Variants in PPARGC1A observed in about 807,000 individuals in gnomAD.
PPARGC1A encodes the protein PPARG coactivator 1 alpha.
A neutral mutation model predicts 88.7 loss-of-function variants in PPARGC1A; 25 were observed. That is an observed-to-expected ratio of 0.28 (90% CI 0.21 to 0.39). The LOEUF (loss-of-function observed/expected upper bound fraction) is 0.39. Among genes scored for constraint, PPARGC1A ranks in the 10% least tolerant of loss-of-function variants. The pLI, the probability that PPARGC1A is intolerant of heterozygous loss-of-function variation, is 1.00. For missense variants in PPARGC1A, 880 were observed against 968.7 expected (o/e 0.91, Z 1.22); for synonymous variants, 363 against 355.6 (o/e 1.02, Z -0.24).
At position 23,795,795 on chromosome 4, in the gene PPARGC1A, C is replaced by G; in HGVS notation, c.*27G>C. On this transcript the variant is annotated 3_prime_UTR_variant, in exon 13 of 13. Coordinates refer to ENST00000264867, the MANE Select transcript of PPARGC1A (RefSeq NM_013261.5). ...CTGTCCCATGAGGTATTCGCCATCC[C>G]TCTGTCATCCTCAGCTAGGGAACAT... 1 of 1,562,242 alleles carries G rather than the reference C, an allele frequency of 6.4e-7. No homozygotes were observed. Among genetic ancestry groups the G allele is most frequent in the Non-Finnish European group, 8.7e-7 (1 of 1,143,534 alleles).
At chr4:24,006,786 A>G in the PPARGC1A span, among the ~76,000 whole-genome samples, 25,366 of 152,044 alleles carry the variant, frequency 0.17, 2,185 homozygotes, top group South Asian at 0.19. Flanking sequence ...TTCACTTTAC[A>G]TTATCAGATG....
intron 1 of PPARGC1A, among the ~76,000 whole-genome samples, chr4:23,898,349 G>A (rs1168834513): frequency 6.6e-6 from 1 of 152,206 alleles, no homozygotes; most frequent in African/African-American, 2.4e-5. Context: ...GGTAGAAGAT[G>A]TATGCTTTGA....
At chr4:24,260,708 CT>C in the PPARGC1A span, among the ~76,000 whole-genome samples, 1 of 151,796 alleles carries the variant, frequency 6.6e-6, no homozygotes, top group African/African-American at 2.4e-5. Context: ...TCCTCACCCC[CT>C]ACAACATGTC....
At chr4:24,235,843 C>G in the PPARGC1A span, among the ~76,000 whole-genome samples, 1 of 152,118 alleles carries the variant, frequency 6.6e-6, no homozygotes, top group African/African-American at 2.4e-5. Context: ...GGAGGTGACT[C>G]AGCTCAACTG....
the PPARGC1A span, among the ~76,000 whole-genome samples, chr4:24,060,870 T>G: frequency 6.6e-6 from 1 of 152,196 alleles, no homozygotes; most frequent in African/African-American, 2.4e-5. Flanking sequence ...GTGTTTCACA[T>G]GAATTAACCA....
the PPARGC1A span, among the ~76,000 whole-genome samples, chr4:23,982,239 AGTTT>A: frequency 6.7e-6 from 1 of 149,772 alleles, no homozygotes; most frequent in Non-Finnish European, 1.5e-5. Context: ...ACAAAAGAAA[AGTTT>A]GTTTCACATA....
chr4:24,339,259 C>CACA, the PPARGC1A span, among the ~76,000 whole-genome samples: 1 of 149,874 alleles, frequency 6.7e-6, no homozygotes, highest in African/African-American at 2.5e-5. Flanking sequence ...CACACACACA[C>CACA]ACACACATCA....
At chr4:23,927,444 T>C in the PPARGC1A span, among the ~76,000 whole-genome samples, 11 of 152,340 alleles carry the variant, frequency 7.2e-5, no homozygotes, top group Admixed American at 1.3e-4. Flanking sequence ...TTTATGGTTT[T>C]TTCTTGTTTT....
At chr4:24,067,533 C>A in the PPARGC1A span, among the ~76,000 whole-genome samples, 1 of 152,064 alleles carries the variant, frequency 6.6e-6, no homozygotes, top group African/African-American at 2.4e-5. Flanking sequence ...AAACAGAGCA[C>A]AGAACACGCA....
the PPARGC1A span, among the ~76,000 whole-genome samples, chr4:23,944,426 G>C: frequency 6.6e-6 from 1 of 152,102 alleles, no homozygotes; most frequent in African/African-American, 2.4e-5. Flanking sequence ...GCTTCATTAG[G>C]GCAGAGGCTA....
the PPARGC1A span, among the ~76,000 whole-genome samples, chr4:24,340,565 C>G: frequency 6.6e-6 from 1 of 151,252 alleles, no homozygotes; most frequent in Non-Finnish European, 1.5e-5. Flanking sequence ...GGCTACAAAA[C>G]TTTTTTTTTA....
At chr4:24,137,997 T>C in the PPARGC1A span, among the ~76,000 whole-genome samples, 5 of 152,134 alleles carry the variant, frequency 3.3e-5, no homozygotes, top group African/African-American at 1.2e-4. Flanking sequence ...TGGATTGTCA[T>C]GCGAGCCCCT....
At chr4:23,828,305 G>T in intron 5 of PPARGC1A, 95 bp downstream of exon 5, 1 of 1,291,264 alleles carries the variant, frequency 7.7e-7, no homozygotes, top group Non-Finnish European at 1.1e-6. Flanking sequence ...ACGCTGATGG[G>T]ACGGAAGCAA....
At chr4:24,071,697 GA>G in the PPARGC1A span, among the ~76,000 whole-genome samples, 2 of 151,728 alleles carry the variant, frequency 1.3e-5, no homozygotes, top group Non-Finnish European at 2.9e-5. Context: ...AATTGTGCCA[GA>G]AAAAAAATCC....
At chr4:23,946,892 T>C in the PPARGC1A span, among the ~76,000 whole-genome samples, 5 of 152,202 alleles carry the variant, frequency 3.3e-5, no homozygotes, top group South Asian at 1.0e-3. Flanking sequence ...ATGGTATTTT[T>C]TAATATTCTC....
At chr4:24,405,874 A>T in the PPARGC1A span, among the ~76,000 whole-genome samples, 4 of 151,124 alleles carry the variant, frequency 2.6e-5, no homozygotes, top group African/African-American at 7.3e-5. Context: ...TCCTTCTTCC[A>T]TTTCTGTCTT....
At chr4:24,367,585 G>C in the PPARGC1A span, among the ~76,000 whole-genome samples, 2 of 152,116 alleles carry the variant, frequency 1.3e-5, no homozygotes, top group South Asian at 4.1e-4. Context: ...AAGTAATTTA[G>C]GAGGAACAGT....
chr4:23,862,597 T>C lies in PPARGC1A; in HGVS notation c.234+22155A>G, dbSNP rs187322682. 9.3e-4 allele frequency among the ~76,000 whole-genome samples: 142 copies of C among 152,334 alleles called. 2 individuals are homozygous for C. The highest frequency in any genetic ancestry group is 3.2e-3 in the African/African-American group (131 of 41,586). On this transcript the variant is annotated intron_variant, in intron 2 of 12. Transcript: ENST00000264867. Reference sequence around the variant, plus strand: ...ATGAGGTAACACTTTCAACCCATCATGGTGATTATGAGAATTAGATAAGAC... The same window carrying C: ...ATGAGGTAACACTTTCAACCCATCACGGTGATTATGAGAATTAGATAAGAC...
chr4:24,079,173 G>A, the PPARGC1A span, among the ~76,000 whole-genome samples: 15 of 151,968 alleles, frequency 9.9e-5, no homozygotes, highest in African/African-American at 3.6e-4. Flanking sequence ...ATTAAGTCAA[G>A]TATTTTAAAT....
Sources: gnomAD v4.1 joint callset for allele counts (sites outside exome capture counted in the v4.1 genomes callset) on GRCh38, gnomAD v4.1.1 for gene constraint, MANE v1.5 for transcripts, NCBI Gene and HGNC (gene_info 2026-07-23, HGNC 2026-07-21) for gene names.